NFIB: variants seen among roughly 807,000 people sequenced by gnomAD.
NFIB encodes the protein nuclear factor I B.
In NFIB, 11 loss-of-function variants were observed where a neutral mutation model predicts 61.5. The ratio of observed to expected loss-of-function variants is 0.18; its 90% CI spans 0.11 to 0.30. The LOEUF (loss-of-function observed/expected upper bound fraction) is 0.30. Among genes scored for constraint, NFIB ranks in the 10% least tolerant of loss-of-function variants. The pLI, the probability that NFIB is intolerant of heterozygous loss-of-function variation, is 1.00. For missense variants in NFIB, 471 were observed against 608.9 expected, an observed-to-expected ratio of 0.77 and a Z score of 2.38; for synonymous variants, 260 against 216.5, an observed-to-expected ratio of 1.20 and a Z score of -1.76.
At chr9:14,365,599 T>C (rs2079517601) in intron 1 of NFIB, among the ~76,000 whole-genome samples, 1 of 152,240 alleles carries the variant, frequency 6.6e-6, no homozygotes, top group Non-Finnish European at 1.5e-5. Context: ...TAATGATGAG[T>C]TCATCTGAAG....
At chr9:14,179,606 G>A (rs990414796) in intron 3 of NFIB, 121 bp downstream of exon 3, 7 of 1,016,418 alleles carry the variant, frequency 6.9e-6, no homozygotes, top group Admixed American at 4.2e-5. Flanking sequence ...ATCTTGTCCC[G>A]ATCATACCTG....
chr9:14,412,392 G>A, the NFIB span, among the ~76,000 whole-genome samples: 4 of 152,204 alleles, frequency 2.6e-5, no homozygotes, highest in Non-Finnish European at 5.9e-5. Context: ...GAACAAATGA[G>A]TAAAGCAAAA....
intron 2 of NFIB, among the ~76,000 whole-genome samples, chr9:14,210,188 G>A (rs1239178613): frequency 2.6e-5 from 4 of 152,050 alleles, no homozygotes; most frequent in African/African-American, 9.7e-5. Flanking sequence ...AAAGGATTCT[G>A]TATTTTGCTT....
At chr9:14,231,018 C>A (rs1251588288) in intron 2 of NFIB, among the ~76,000 whole-genome samples, 1 of 150,288 alleles carries the variant, frequency 6.7e-6, no homozygotes, top group Admixed American at 6.6e-5. Context: ...CTGAGGATCC[C>A]AAGCTGTAGT....
chr9:14,091,862 T>C (rs1290945572), intron 10 of NFIB, among the ~76,000 whole-genome samples: 2 of 152,046 alleles, frequency 1.3e-5, no homozygotes, highest in Non-Finnish European at 2.9e-5. Flanking sequence ...GTACAGCTCA[T>C]CCTAATGACT....
the NFIB span, among the ~76,000 whole-genome samples, chr9:14,450,444 T>C: frequency 2.6e-5 from 4 of 152,218 alleles, no homozygotes; most frequent in African/African-American, 9.7e-5. Flanking sequence ...TCAAGAACTT[T>C]CCCCAAGTCT....
chr9:14,424,358 AG>A, the NFIB span, among the ~76,000 whole-genome samples: 1 of 151,978 alleles, frequency 6.6e-6, no homozygotes, highest in African/African-American at 2.4e-5. Flanking sequence ...AAAGTGTTCG[AG>A]GGTCAAATAA....
chr9:14,181,053 G>A (rs1483726380), intron 2 of NFIB, among the ~76,000 whole-genome samples: 1 of 151,970 alleles, frequency 6.6e-6, no homozygotes, highest in Non-Finnish European at 1.5e-5. Context: ...TTTTCATCGG[G>A]GTTATTCTGT....
chr9:14,347,563 G>A (rs1463393036), intron 1 of NFIB, among the ~76,000 whole-genome samples: 1 of 149,036 alleles, frequency 6.7e-6, no homozygotes, highest in Non-Finnish European at 1.5e-5. Flanking sequence ...GGTGTGGAGG[G>A]AGTGAGCTGG....
chr9:14,145,051 T>C (rs928854085), intron 6 of NFIB, among the ~76,000 whole-genome samples: 2 of 152,104 alleles, frequency 1.3e-5, no homozygotes, highest in Non-Finnish European at 2.9e-5. Flanking sequence ...TTTATAAAGA[T>C]GATTTTTACC....
chr9:14,220,928 G>A (rs117188406), intron 2 of NFIB, among the ~76,000 whole-genome samples: 2,684 of 144,828 alleles, frequency 0.019, 30 homozygotes, highest in Non-Finnish European at 0.028. Flanking sequence ...CCCTCCCAAG[G>A]AGAGTTTTCT....
intron 2 of NFIB, among the ~76,000 whole-genome samples, chr9:14,290,950 C>A (rs1012529789): frequency 6.6e-6 from 1 of 152,090 alleles, no homozygotes; most frequent in Admixed American, 6.6e-5. Flanking sequence ...TTGTACCCAT[C>A]TTTTGTTCAC....
At chr9:14,412,447 C>G in the NFIB span, among the ~76,000 whole-genome samples, 65 of 152,324 alleles carry the variant, frequency 4.3e-4, no homozygotes, top group African/African-American at 1.5e-3. Context: ...AGCTAAGGAA[C>G]AAGTTGACAG....
chr9:14,172,466 T>C (rs535244825), intron 3 of NFIB, among the ~76,000 whole-genome samples: 28 of 152,148 alleles, frequency 1.8e-4, no homozygotes, highest in Non-Finnish European at 3.4e-4. Flanking sequence ...TATACAATGT[T>C]AATACAAGCT....
chr9:14,257,950 C>G (rs1260436853), intron 2 of NFIB, among the ~76,000 whole-genome samples: 1 of 152,000 alleles, frequency 6.6e-6, no homozygotes, highest in Non-Finnish European at 1.5e-5. Context: ...CTCAGTATCT[C>G]CTATAAATAG....
the NFIB span, among the ~76,000 whole-genome samples, chr9:14,501,153 C>G: frequency 6.6e-6 from 1 of 152,128 alleles, no homozygotes; most frequent in African/African-American, 2.4e-5. Context: ...ACAGAAAGTT[C>G]CAGAAGATAC....
At chr9:14,153,673 A>G (rs1234625641) in intron 4 of NFIB, among the ~76,000 whole-genome samples, 1 of 152,134 alleles carries the variant, frequency 6.6e-6, no homozygotes, top group African/African-American at 2.4e-5. Flanking sequence ...GTCAACATAC[A>G]CATCAGTGGG....
chr9:14,367,680 C>T lies in NFIB; in HGVS notation c.108+30844G>A, dbSNP rs1012825150. Among the ~76,000 whole-genome samples, 6 of 152,200 alleles carry T rather than the reference C, an allele frequency of 3.9e-5. No homozygotes were observed. The East Asian group carries it at 9.7e-4, about 25-fold the overall frequency. ...TAAAGAAAATGTGGCACATATACAC[C>T]ATGGAATACTATGCAGCCATAAAAA... On this transcript the variant is annotated intron_variant, in intron 1 of 8. Coordinates refer to the NFIB transcript ENST00000380934.
intron 1 of NFIB, among the ~76,000 whole-genome samples, chr9:14,356,414 C>G (rs2061176852): frequency 6.6e-6 from 1 of 152,008 alleles, no homozygotes; most frequent in Non-Finnish European, 1.5e-5. Context: ...ACACGAGGAA[C>G]TAGTGTTTGG....
Sources: gnomAD v4.1 joint callset for allele counts (sites outside exome capture counted in the v4.1 genomes callset) on GRCh38, gnomAD v4.1.1 for gene constraint, MANE v1.5 for transcripts, NCBI Gene and HGNC (gene_info 2026-07-23, HGNC 2026-07-21) for gene names.